TAB2: variants seen among roughly 807,000 people sequenced by gnomAD.
TAB2 encodes TGF-beta-activated kinase 1 and MAP3K7-binding protein 2.
Under a neutral mutation model 65.0 loss-of-function variants are expected in TAB2, and 3 were observed. The ratio of observed to expected loss-of-function variants is 0.05; its 90% CI spans 0.02 to 0.12. The LOEUF (loss-of-function observed/expected upper bound fraction) is 0.12. TAB2 is among the 10% of genes least tolerant of loss of function. TAB2 has a pLI of 1.00. For missense variants in TAB2, 623 were observed against 840.3 expected (o/e 0.74, Z 3.20); for synonymous variants, 298 against 285.1 (o/e 1.05, Z -0.46).
intron 1 of TAB2, among the ~76,000 whole-genome samples, chr6:149,287,268 TTA>T (rs1490727266): frequency 6.6e-6 from 1 of 152,218 alleles, no homozygotes; most frequent in Admixed American, 6.5e-5. Flanking sequence ...GTTTGCTTGT[TTA>T]TGTTTTTCTA....
At chr6:149,406,748 C>T (rs980065465) in intron 6 of TAB2, among the ~76,000 whole-genome samples, 4 of 151,904 alleles carry the variant, frequency 2.6e-5, no homozygotes, top group Non-Finnish European at 5.9e-5. Flanking sequence ...GACAGAGTTT[C>T]GCTGTTGTTG....
chr6:149,403,311 T>C (rs1350542732), intron 6 of TAB2, among the ~76,000 whole-genome samples: 2,267 of 66,286 alleles, frequency 0.034, 104 homozygotes, highest in Non-Finnish European at 0.051. Context: ...TATATATATA[T>C]ATACACACAC....
chr6:149,336,516 T>C (rs1470065500), intron 1 of TAB2, among the ~76,000 whole-genome samples: 1 of 152,120 alleles, frequency 6.6e-6, no homozygotes, highest in African/African-American at 2.4e-5. Context: ...GGGGATCTTA[T>C]AACTTAGATG....
At chr6:149,250,114 C>T (rs1271740935) in intron 1 of TAB2, among the ~76,000 whole-genome samples, 2 of 151,982 alleles carry the variant, frequency 1.3e-5, no homozygotes, top group Non-Finnish European at 2.9e-5. Context: ...TGTGTGGCTA[C>T]AGTATGGGAG....
At chr6:149,300,929 C>CA (rs1778959230) in intron 1 of TAB2, among the ~76,000 whole-genome samples, 1 of 152,174 alleles carries the variant, frequency 6.6e-6, no homozygotes, top group Non-Finnish European at 1.5e-5. Context: ...TTCAACTTGG[C>CA]AAAAATGAAC....
Position 149,378,299 on chromosome 6 carries a change from A to G in TAB2, c.384A>G (p.Thr128=). The change falls in exon 3 of 7, where the codon ACA becomes ACG. Residue 128 remains threonine (T), a synonymous_variant. Transcript: ENST00000637181. ...AACTATTTCAGCAGGAGCCACAGAC[A>G]GCACCAGCTCAAGTTCCTCAAGGCT... ...NSELFQQEPQ[T]APAQVPQGFN... is the part of the protein sequence containing the mutation. 6.2e-7 allele frequency: 1 copy of G among 1,614,244 alleles called. No individual in the cohort carries two copies. Among genetic ancestry groups the G allele is most frequent in the Non-Finnish European group, 8.5e-7 (1 of 1,180,042 alleles).
At chr6:149,357,430 A>ACACACACACACAC (rs1554261743) in intron 1 of TAB2, among the ~76,000 whole-genome samples, 8 of 111,144 alleles carry the variant, frequency 7.2e-5, no homozygotes, top group East Asian at 3.1e-4. Flanking sequence ...AGAAAAAAAA[A>ACACACACACACAC]ACACACACAC....
rs908730069 is a variant in TAB2, at chr6:149,236,837, T to C, written c.-121+18061T>C. On this transcript the variant is annotated intron_variant, in intron 1 of 1. Transcript: ENST00000606202. ...TGTTTGAAGCCATTAACAGCATCAA[T>C]AGGAGGGACATTTGAATTAATAACC... 9.9e-5 allele frequency among the ~76,000 whole-genome samples: 15 copies of C among 152,262 alleles called. No homozygotes were observed. The East Asian group carries it at 2.7e-3, about 27-fold the overall frequency.
rs73614909 is a variant in TAB2 at position 149,374,224 on chromosome 6, T to C, written c.103-3794T>C. Among the ~76,000 whole-genome samples the C allele has an allele frequency of 4.7e-3, 708 of 152,192 alleles. 6 individuals carry two copies. The highest frequency in any genetic ancestry group is 0.017 in the African/African-American group (693 of 41,532). On this transcript the variant is annotated intron_variant, in intron 2 of 6. Transcript: ENST00000637181. ...TGCTAAGAATGAAGATGAAATCCAT[T>C]TTATGTTTTTTGGAGACTGGGTCTC...
intron 1 of TAB2, among the ~76,000 whole-genome samples, chr6:149,241,152 G>A (rs1777590214): frequency 6.6e-6 from 1 of 152,268 alleles, no homozygotes; most frequent in African/African-American, 2.4e-5. Context: ...TACCATGCCA[G>A]CACCTTGATC....
chr6:149,410,050 C>T lies in TAB2; in HGVS notation c.*331C>T, dbSNP rs934165091. ...CCAATACCTTTTTCCCCTCATGTCA[C>T]TACTGAATTTTGACAGGAGGAAGGA... On this transcript the variant is annotated 3_prime_UTR_variant, in exon 7 of 7. Transcript: ENST00000637181. The T allele has an allele frequency of 1.2e-5, 4 of 337,090 alleles. No individual in the cohort carries two copies. The highest frequency in any genetic ancestry group is 4.2e-5 in the African/African-American group (2 of 47,410). The allele number at this position is 337,090 out of a possible 1,614,324, so 20.9% of individuals were successfully genotyped here.
At chr6:149,355,764 ACT>A (rs955459913) in intron 1 of TAB2, among the ~76,000 whole-genome samples, 6 of 151,880 alleles carry the variant, frequency 4.0e-5, no homozygotes, top group African/African-American at 1.5e-4. Flanking sequence ...TGATTACCTT[ACT>A]TACATGACAC....
At chr6:149,396,104 G>C (rs1387116752) in intron 3 of TAB2, among the ~76,000 whole-genome samples, 1 of 151,126 alleles carries the variant, frequency 6.6e-6, no homozygotes, top group African/African-American at 2.4e-5. Context: ...TGCAACCTCT[G>C]CCTCCCGGGT....
chr6:149,398,768 G>C (rs570626796), intron 5 of TAB2, among the ~76,000 whole-genome samples: 5 of 152,054 alleles, frequency 3.3e-5, no homozygotes, highest in African/African-American at 1.2e-4. Flanking sequence ...ATGTTTGATC[G>C]TTTAAAATTA....
At chr6:149,251,090 GA>G (rs1455280118) in intron 1 of TAB2, among the ~76,000 whole-genome samples, 3 of 152,126 alleles carry the variant, frequency 2.0e-5, no homozygotes, top group Non-Finnish European at 4.4e-5. Flanking sequence ...CTGTCGCTGT[GA>G]GTCAGTTGTT....
At chr6:149,247,775 T>C (rs567768391) in intron 1 of TAB2, 17 of 152,298 alleles carry the variant, frequency 1.1e-4, no homozygotes, top group Admixed American at 2.6e-4. Flanking sequence ...GTGCATCCAG[T>C]CATCCGGAGG....
chr6:149,366,251 C>T (rs1050788741), intron 1 of TAB2, among the ~76,000 whole-genome samples: 9 of 152,124 alleles, frequency 5.9e-5, no homozygotes, highest in African/African-American at 1.9e-4. Context: ...TGTTTCAAGC[C>T]AGATAACTTG....
chr6:149,248,283 T>C (rs566734205), intron 1 of TAB2, among the ~76,000 whole-genome samples: 2 of 152,040 alleles, frequency 1.3e-5, no homozygotes, highest in Admixed American at 6.6e-5. Flanking sequence ...TCCCAACTAC[T>C]TGGGAGGCTG....
At chr6:149,236,593 A>G (rs978045970) in intron 1 of TAB2, among the ~76,000 whole-genome samples, 2 of 152,232 alleles carry the variant, frequency 1.3e-5, no homozygotes, top group Admixed American at 6.5e-5. Flanking sequence ...CAAGTGGGGA[A>G]GTTCTTTTTT....
Sources: gnomAD v4.1 joint callset for allele counts (sites outside exome capture counted in the v4.1 genomes callset) on GRCh38, gnomAD v4.1.1 for gene constraint, MANE v1.5 for transcripts, NCBI Gene and HGNC (gene_info 2026-07-23, HGNC 2026-07-21) for gene names.